MRPS22: variants seen among roughly 807,000 people sequenced by gnomAD.
The protein encoded by MRPS22 is mitochondrial ribosomal protein S22.
MRPS22 carries 30 observed loss-of-function variants against 44.0 expected under a neutral mutation model. The ratio of observed to expected loss-of-function variants is 0.68; its 90% CI spans 0.51 to 0.93. The LOEUF (loss-of-function observed/expected upper bound fraction) is 0.93. Ranked by LOEUF, MRPS22 falls within the 40% of genes least tolerant of loss-of-function variation. The pLI is 0.00. For synonymous variants in MRPS22, 165 were observed against 154.4 expected (o/e 1.07, Z -0.51); for missense variants, 447 against 447.8 (o/e 1.00, Z 0.02).
intron 3 of MRPS22, 181 bp downstream of exon 3, chr3:139,348,505 T>C (rs1196534406): frequency 4.7e-6 from 3 of 643,420 alleles, no homozygotes; most frequent in Non-Finnish European, 8.3e-6. Flanking sequence ...CCCCACATCA[T>C]GGTGTTACCA....
intron 3 of MRPS22, among the ~76,000 whole-genome samples, chr3:139,349,618 G>T (rs1431152999): frequency 2.6e-5 from 4 of 152,154 alleles, no homozygotes; most frequent in Non-Finnish European, 5.9e-5. Context: ...TTTAGAGGAG[G>T]AAGTGATCCC....
At chr3:139,344,838 AT>A in intron 1 of MRPS22, 1 of 557,120 alleles carries the variant, frequency 1.8e-6, no homozygotes. Flanking sequence ...GATGAAGAAG[AT>A]TAATTAATTG....
chr3:139,356,091 G>A (rs1941253601), intron 7 of MRPS22, among the ~76,000 whole-genome samples: 1 of 152,194 alleles, frequency 6.6e-6, no homozygotes, highest in Admixed American at 6.5e-5. Flanking sequence ...GAAGGGCTGA[G>A]CTGCATCTGA....
At chr3:139,350,824 A>T in intron 4 of MRPS22, 153 bp from the exon 5 acceptor site, 1 of 705,038 alleles carries the variant, frequency 1.4e-6, no homozygotes, top group Non-Finnish European at 2.6e-6. Context: ...ATTTGAATCT[A>T]GGTGTGACAA....
Position 139,352,799 on chromosome 3 carries a change from A to AAAAG in MRPS22, c.878+7_878+8insAAAG. 2 of 1,612,406 alleles carry AAAAG rather than the reference A, an allele frequency of 1.2e-6. No homozygotes were observed. The highest frequency in any genetic ancestry group is 2.7e-5 in the African/African-American group (2 of 75,002). On this transcript the variant is annotated splice_region_variant and intron_variant, in intron 6 of 7. Transcript: ENST00000680020. Reference sequence around the variant, plus strand: ...ACCAGATTCAGAGAGATTTGTAAGTATGATCTTAGTAAGTGAAAGAATCAT... The same window carrying AAAAG: ...ACCAGATTCAGAGAGATTTGTAAGTAAAAGTGATCTTAGTAAGTGAAAGAATCAT...
rs1940988552 is a variant in MRPS22 at position 139,344,095 on chromosome 3, C to T, written c.69C>T (p.Val23=). 6.2e-6 allele frequency: 10 copies of T among 1,614,182 alleles called. No homozygotes were observed. The East Asian group carries it at 1.8e-4, about 29-fold the overall frequency. The change falls in exon 1 of 8, where the codon GTC becomes GTT. Residue 23 remains valine (V), a synonymous_variant. Transcript: ENST00000680020. ...LLRSSPGVER[V]CFRARIQPWH... The stretch of plus-strand genomic sequence containing the variant: ...GGAGTTCTCCGGGCGTGGAACGGGT[C>T]TGTTTCCGGGCTCGAATCCAGCCCT...
Position 139,356,956 on chromosome 3 carries a change from T to C in MRPS22, c.1025T>C (p.Ile342Thr), listed in dbSNP as rs11556240. 6.2e-7 allele frequency: 1 copy of C among 1,613,320 alleles called. No homozygotes were observed. Among genetic ancestry groups the C allele is most frequent in the Non-Finnish European group, 8.5e-7 (1 of 1,179,664 alleles). Residue 342 changes from isoleucine (I) to threonine (T), a missense_variant, in exon 8 of 8, where the codon ATA (isoleucine) becomes ACA (threonine). Ile to Thr is a moderately conservative substitution (Grantham distance 89). Coordinates refer to ENST00000680020, the MANE Select transcript of MRPS22 (RefSeq NM_020191.4). ...ACAGAAGCACAGAAGGGAGCCTATA[T>C]AGAACTAACACTGCAGACTTATCAA... Reference protein sequence around the residue: ...AKTEAQKGAYIELTLQTYQEA... With the variant: ...AKTEAQKGAYTELTLQTYQEA...
At position 139,348,240 on chromosome 3, in the gene MRPS22, T is replaced by A. The variant is rs1187921406; in HGVS notation, c.420T>A (p.Asp140Glu). 4.3e-6 allele frequency: 7 copies of A among 1,613,944 alleles called. No homozygotes were observed. Among genetic ancestry groups the A allele is most frequent in the Non-Finnish European group, 5.9e-6 (7 of 1,179,966 alleles). The change falls in exon 3 of 8, where the codon GAT becomes GAA. Residue 140 changes from aspartate to glutamate, a missense_variant. By Grantham distance (45) the Asp-to-Glu change is conservative. Coordinates refer to ENST00000680020, the MANE Select transcript of MRPS22 (RefSeq NM_020191.4). ...TGGAAGAGCGAGTACCAATAAATGA[T>A]GTGTTAGCTGAAGATAAGATTTTGG... is the stretch of plus-strand genomic sequence containing the variant. ...PVLEERVPIN[D>E]VLAEDKILEG...
In MRPS22 at chr3:139,350,203, C is replaced by G. The variant is rs1339160604; in HGVS notation, c.529C>G (p.Pro177Ala). The change falls in exon 4 of 8, where the codon CCA becomes GCA. Residue 177 changes from proline to alanine, a missense_variant. Physicochemically the swap from Pro to Ala is conservative, Grantham distance 27 (BLOSUM62 -1). Transcript: ENST00000680020. ...HRERFIVVRE[P>A]SGTLRKASWE... ...GGAGCGTTTTATTGTCGTCAGAGAA[C>G]CAAGTGGCACACTACGCAAAGCCTC... The G allele has an allele frequency of 3.1e-6, 5 of 1,613,988 alleles. No homozygotes were observed. The highest frequency in any genetic ancestry group is 3.4e-6 in the Non-Finnish European group (4 of 1,180,008).
intron 4 of MRPS22, 200 bp from the exon 5 acceptor site, chr3:139,350,777 G>C (rs761354620): frequency 1.8e-5 from 11 of 615,454 alleles, no homozygotes; most frequent in Admixed American, 2.4e-5. Context: ...CCCAAGATGG[G>C]TTGTACTAGG....
Position 139,348,047 on chromosome 3 carries a change from C to T in MRPS22, c.340-113C>T, listed in dbSNP as rs1278902057. 16 of 1,113,664 alleles carry T rather than the reference C, an allele frequency of 1.4e-5. No individual in the cohort carries two copies. The Admixed American group carries it at 3.1e-4, about 22-fold the overall frequency. 69.0% of individuals were successfully genotyped at this position (1,113,664 alleles called of 1,614,324 possible). A position where few individuals can be genotyped will look rare whatever the true frequency, so the allele number is the denominator to read the frequency against. ...CTTTTTACTCACTGATTTGTGGCTA[C>T]ACCTTCTTTTCTATGCAGGTTTTTG... On this transcript the variant is annotated intron_variant, in intron 2 of 7. Coordinates refer to ENST00000680020, the MANE Select transcript of MRPS22 (RefSeq NM_020191.4).
chr3:139,350,611 AG>A, intron 4 of MRPS22: 1 of 427,102 alleles, frequency 2.3e-6, no homozygotes, highest in South Asian at 2.1e-5. Flanking sequence ...TATTTTTAGT[AG>A]AGATGGGGTT....
At position 139,348,223 on chromosome 3, in the gene MRPS22, C is replaced by T. The variant is rs770899491; in HGVS notation, c.403C>T (p.Arg135Ter). The change falls in exon 3 of 8, where the codon CGA (arginine) becomes TGA (stop). Residue 135 changes from arginine (R) to a stop codon, truncating the protein, a stop_gained. Coordinates refer to ENST00000680020, the MANE Select transcript of MRPS22 (RefSeq NM_020191.4). LOFTEE classifies it high-confidence loss of function. ...AAAAATGCCACCAGTTCTGGAAGAGCGAGTACCAATAAATGATGTGTTAGC... is the reference window on the plus strand; with the variant it reads ...AAAAATGCCACCAGTTCTGGAAGAGTGAGTACCAATAAATGATGTGTTAGC... ...RLKMPPVLEE[R>*]VPINDVLAED... 28 of 1,613,984 alleles carry T rather than the reference C, an allele frequency of 1.7e-5. No individual in the cohort carries two copies. Among genetic ancestry groups the T allele is most frequent in the Non-Finnish European group, 2.3e-5 (27 of 1,179,964 alleles).
At chr3:139,357,138 A>AAAT, downstream of MRPS22, 2 of 779,806 alleles carry the variant, frequency 2.6e-6, no homozygotes, top group East Asian at 5.4e-5. Flanking sequence ...TACAAAGCAA[A>AAAT]AATTATTACC....
chr3:139,352,733 G>C lies in MRPS22; in HGVS notation c.819G>C (p.Trp273Cys), dbSNP rs367552247. The C allele has an allele frequency of 1.2e-6, 2 of 1,613,726 alleles. No individual in the cohort carries two copies. The highest frequency in any genetic ancestry group is 8.5e-7 in the Non-Finnish European group (1 of 1,179,722). ...RSTRYFGGMV[W>C]YFVNNKKIDG... is the part of the protein sequence containing the mutation. Reference sequence around the variant, plus strand: ...CAAGATACTTTGGTGGAATGGTGTGGTATTTTGTAAATAATAAAAAGATTG... The same window carrying C: ...CAAGATACTTTGGTGGAATGGTGTGCTATTTTGTAAATAATAAAAAGATTG... The change falls in exon 6 of 8, where the codon TGG (tryptophan) becomes TGC (cysteine). Residue 273 changes from tryptophan (W) to cysteine (C), a missense_variant. Transcript: ENST00000680020.
chr3:139,349,553 C>A (rs888666549), intron 3 of MRPS22: 13 of 204,918 alleles, frequency 6.3e-5, no homozygotes, highest in Non-Finnish European at 1.2e-4. Context: ...TGAGGGATGC[C>A]AAAAATCTTG....
At chr3:139,354,551 C>A (rs1295151188) in intron 6 of MRPS22, among the ~76,000 whole-genome samples, 1 of 150,436 alleles carries the variant, frequency 6.6e-6, no homozygotes, top group Non-Finnish European at 1.5e-5. Flanking sequence ...TTATTTTTTT[C>A]CCCCTGAAAA....
At chr3:139,345,052 GGAGA>G (rs1941013459) in intron 1 of MRPS22, among the ~76,000 whole-genome samples, 1 of 152,186 alleles carries the variant, frequency 6.6e-6, no homozygotes, top group Non-Finnish European at 1.5e-5. Flanking sequence ...GTGAGACTGA[GGAGA>G]GAGTAGTGCT....
At position 139,356,987 on chromosome 3, in the gene MRPS22, A is replaced by G. The variant is rs886216431; in HGVS notation, c.1056A>G (p.Ala352=). The G allele has an allele frequency of 1.2e-6, 2 of 1,612,552 alleles. No homozygotes were observed. The highest frequency in any genetic ancestry group is 1.7e-6 in the Non-Finnish European group (2 of 1,179,264). ...IELTLQTYQE[A]LSRHSAAS is the part of the protein sequence containing the mutation. ...TAACACTGCAGACTTATCAAGAAGCACTCAGTCGCCATTCTGCAGCTTCCT... is the reference window on the plus strand; with the variant it reads ...TAACACTGCAGACTTATCAAGAAGCGCTCAGTCGCCATTCTGCAGCTTCCT... The change falls in exon 8 of 8, where the codon GCA becomes GCG. Residue 352 remains alanine (A), a synonymous_variant. Transcript: ENST00000680020.
Sources: allele counts gnomAD v4.1 joint callset (sites outside exome capture counted in the v4.1 genomes callset), GRCh38; gene constraint gnomAD v4.1.1; transcripts MANE v1.5; gene names NCBI Gene and HGNC (gene_info 2026-07-23, HGNC 2026-07-21).